Variants in OSBPL10 observed in about 807,000 individuals in gnomAD.
OSBPL10 encodes oxysterol binding protein like 10, also known as oxysterol-binding protein-related protein 10.
Under a neutral mutation model 81.7 loss-of-function variants are expected in OSBPL10, and 49 were observed. The observed-to-expected ratio is 0.60, with a 90% CI of 0.48 to 0.76. OSBPL10 has a LOEUF of 0.76. OSBPL10 is among the 30% of genes least tolerant of loss of function. OSBPL10 has a pLI of 0.00. For synonymous variants in OSBPL10, 419 were observed against 383.6 expected (o/e 1.09, Z -1.08); for missense variants, 923 against 987.8 (o/e 0.93, Z 0.88).
At chr3:31,839,834 G>A (rs1183463934) in intron 3 of OSBPL10, among the ~76,000 whole-genome samples, 1 of 137,284 alleles carries the variant, frequency 7.3e-6, no homozygotes, top group Non-Finnish European at 1.6e-5. Context: ...AGCCAGGCAA[G>A]CCAGATGCCT....
intron 1 of OSBPL10, among the ~76,000 whole-genome samples, chr3:31,888,475 T>A (rs1695801688): frequency 6.6e-6 from 1 of 152,156 alleles, no homozygotes; most frequent in African/African-American, 2.4e-5. Flanking sequence ...ACAAATGTGA[T>A]CACATCAAGC....
intron 1 of OSBPL10, among the ~76,000 whole-genome samples, chr3:31,883,822 C>A (rs144831336): frequency 0.01 from 1,554 of 152,308 alleles, 30 homozygotes; most frequent in African/African-American, 0.035. Context: ...CCGTGCCTGG[C>A]CACATGCCAC....
intron 1 of OSBPL10, among the ~76,000 whole-genome samples, chr3:31,955,705 A>C (rs1345426727): frequency 6.6e-6 from 1 of 152,224 alleles, no homozygotes; most frequent in Non-Finnish European, 1.5e-5. Flanking sequence ...AAATAATGCA[A>C]AGCAGCTCAT....
rs375893228 is a variant in OSBPL10 at position 31,747,891 on chromosome 3, A to G, written c.940+19T>C. ...GTGTGTACTCATCCCAAACATGGAC[A>G]AGCCCCCGGGGGTCTTACCCGAGGC... On this transcript the variant is annotated intron_variant, in intron 5 of 11. Coordinates refer to ENST00000396556, the MANE Select transcript of OSBPL10 (RefSeq NM_017784.5). 19 of 1,611,516 alleles carry G rather than the reference A, an allele frequency of 1.2e-5. No individual in the cohort carries two copies. Among genetic ancestry groups the G allele is most frequent in the Non-Finnish European group, 1.5e-5 (18 of 1,179,130 alleles).
chr3:31,912,415 G>A (rs1696607880), intron 1 of OSBPL10, among the ~76,000 whole-genome samples: 1 of 150,236 alleles, frequency 6.7e-6, no homozygotes, highest in Non-Finnish European at 1.5e-5. Context: ...AAAAATTAAG[G>A]CAAAATAGTG....
intron 4 of OSBPL10, among the ~76,000 whole-genome samples, chr3:31,820,124 AAAT>A (rs1403192388): frequency 2.0e-5 from 3 of 152,176 alleles, no homozygotes; most frequent in Non-Finnish European, 4.4e-5. Flanking sequence ...AATATAGGGA[AAAT>A]AATAGTATCT....
intron 8 of OSBPL10, among the ~76,000 whole-genome samples, chr3:31,682,384 T>C (rs1700674292): frequency 6.6e-6 from 1 of 152,194 alleles, no homozygotes; most frequent in East Asian, 1.9e-4. Context: ...CTGGCCACCA[T>C]CACCTCCCTG....
At chr3:31,971,352 C>T (rs1698562171) in intron 1 of OSBPL10, among the ~76,000 whole-genome samples, 1 of 151,996 alleles carries the variant, frequency 6.6e-6, no homozygotes, top group African/African-American at 2.4e-5. Context: ...GTTGGCCAGG[C>T]TGGTCTCGAA....
At chr3:31,770,732 A>G (rs11129462) in intron 4 of OSBPL10, among the ~76,000 whole-genome samples, 100,852 of 151,950 alleles carry the variant, frequency 0.66, 34,171 homozygotes, top group East Asian at 0.79. Flanking sequence ...GTTGCGGTGA[A>G]CCAAGATCGC....
At chr3:31,962,303 C>T (rs545862651) in intron 1 of OSBPL10, among the ~76,000 whole-genome samples, 12 of 152,248 alleles carry the variant, frequency 7.9e-5, no homozygotes, top group Admixed American at 1.3e-4. Flanking sequence ...ACTATTAACA[C>T]AGATAACAAC....
intron 1 of OSBPL10, among the ~76,000 whole-genome samples, chr3:31,971,145 T>C (rs966291836): frequency 8.2e-5 from 12 of 146,036 alleles, no homozygotes; most frequent in East Asian, 2.0e-4. Flanking sequence ...TTTTCTTTTT[T>C]TTTTTTTTTT....
chr3:31,762,587 G>C (rs1575528190), intron 4 of OSBPL10, among the ~76,000 whole-genome samples: 1 of 145,798 alleles, frequency 6.9e-6, no homozygotes, highest in East Asian at 2.1e-4. Context: ...TCAGCCTCCT[G>C]AGTAGTTGGG....
intron 2 of OSBPL10, among the ~76,000 whole-genome samples, chr3:32,029,369 G>T (rs1699446331): frequency 6.6e-6 from 1 of 151,978 alleles, no homozygotes; most frequent in South Asian, 2.1e-4. Context: ...GTGCAGGTTT[G>T]TTACATATGT....
Position 31,662,070 on chromosome 3 carries a change from C to A in OSBPL10, c.*2G>T. The A allele has an allele frequency of 6.2e-7, 1 of 1,613,756 alleles. No individual in the cohort carries two copies. The highest frequency in any genetic ancestry group is 8.5e-7 in the Non-Finnish European group (1 of 1,179,876). ...ACTGGAAAGCTCTGCACCTCCACCC[C>A]ATCAGTGTGCTTTCCAGAGGGGATT... is the stretch of plus-strand genomic sequence containing the variant. On this transcript the variant is annotated 3_prime_UTR_variant, in exon 12 of 12. Transcript: ENST00000396556.
chr3:31,733,468 C>T, intron 5 of OSBPL10, 57 bp from the exon 6 acceptor site: 2 of 1,604,816 alleles, frequency 1.2e-6, no homozygotes, highest in East Asian at 2.2e-5. Flanking sequence ...ATTTATAGCT[C>T]ATGAAATATT....
At chr3:31,695,144 C>A (rs1403902082) in intron 7 of OSBPL10, among the ~76,000 whole-genome samples, 1 of 152,158 alleles carries the variant, frequency 6.6e-6, no homozygotes, top group African/African-American at 2.4e-5. Flanking sequence ...ACAGCTCAAT[C>A]CACTAGTTTT....
At chr3:31,896,935 G>C (rs953552465) in intron 1 of OSBPL10, among the ~76,000 whole-genome samples, 2 of 152,134 alleles carry the variant, frequency 1.3e-5, no homozygotes, top group Admixed American at 1.3e-4. Context: ...ATCTCATCTA[G>C]GGAGGACAGG....
intron 6 of OSBPL10, chr3:31,711,196 A>G (rs1362006664): frequency 2.6e-5 from 4 of 152,214 alleles, no homozygotes; most frequent in Admixed American, 2.0e-4. Flanking sequence ...CACTTAGCAA[A>G]GTGGATTTAT....
chr3:32,047,407 A>T (rs1337293222), intron 1 of OSBPL10, among the ~76,000 whole-genome samples: 3 of 152,172 alleles, frequency 2.0e-5, no homozygotes, highest in African/African-American at 7.2e-5. Context: ...GCGGTGGATT[A>T]TTCACGAGTT....
Sources: allele counts gnomAD v4.1 joint callset (sites outside exome capture counted in the v4.1 genomes callset), GRCh38; gene constraint gnomAD v4.1.1; transcripts MANE v1.5; gene names NCBI Gene and HGNC (gene_info 2026-07-23, HGNC 2026-07-21).